Variants in IGF2R observed in about 807,000 individuals in gnomAD.
IGF2R encodes the protein insulin like growth factor 2 receptor, also known as cation-independent mannose-6-phosphate receptor.
IGF2R carries 91 observed loss-of-function variants against 270.6 expected under a neutral mutation model. That is an observed-to-expected ratio of 0.34 (90% CI 0.28 to 0.40). IGF2R has a LOEUF of 0.40. Among genes scored for constraint, IGF2R ranks in the 10% least tolerant of loss-of-function variants. The probability of loss-of-function intolerance (pLI) is 1.00; values close to 1 mark genes in which losing one functional copy is unlikely to be tolerated. For synonymous variants in IGF2R, 1,316 were observed against 1,258.9 expected (o/e 1.05, Z -0.96); for missense variants, 2,805 against 3,188.3 (o/e 0.88, Z 2.90).
At chr6:159,987,266 G>A (rs548773242) in intron 1 of IGF2R, among the ~76,000 whole-genome samples, 1 of 152,276 alleles carries the variant, frequency 6.6e-6, no homozygotes, top group South Asian at 2.1e-4. Context: ...CATATCTAGT[G>A]ATAGTTTAAC....
At chr6:160,010,868 G>T (rs572959045) in intron 4 of IGF2R, 83 bp downstream of exon 4, 2 of 775,850 alleles carry the variant, frequency 2.6e-6, no homozygotes, top group Admixed American at 2.5e-5. Context: ...TAACCTTTCC[G>T]GGTGAAAATC....
intron 37 of IGF2R, among the ~76,000 whole-genome samples, chr6:160,079,100 C>CTTT (rs1778919189): frequency 6.6e-6 from 1 of 152,150 alleles, no homozygotes; most frequent in Non-Finnish European, 1.5e-5. Context: ...GTGATGGAGC[C>CTTT]CTCTGCCTGG....
At chr6:160,008,755 T>C (rs1784286181) in intron 2 of IGF2R, among the ~76,000 whole-genome samples, 1 of 152,070 alleles carries the variant, frequency 6.6e-6, no homozygotes, top group South Asian at 2.1e-4. Context: ...TGGAGAAATG[T>C]GGACAGATTT....
intron 34 of IGF2R, 59 bp from the exon 35 acceptor site, chr6:160,073,698 C>G (rs1778794366): frequency 7.2e-7 from 1 of 1,390,052 alleles, no homozygotes; most frequent in Non-Finnish European, 1.0e-6. Context: ...TTATGGATGA[C>G]CTAGTGGTGA....
intron 31 of IGF2R, among the ~76,000 whole-genome samples, chr6:160,071,603 A>C (rs537454012): frequency 6.6e-6 from 1 of 152,278 alleles, no homozygotes; most frequent in South Asian, 2.1e-4. Flanking sequence ...TAGCCCTTCC[A>C]GCATCCTTTG....
At chr6:160,095,546 G>A (rs927518738) in intron 44 of IGF2R, 7 of 152,208 alleles carry the variant, frequency 4.6e-5, no homozygotes, top group Admixed American at 2.0e-4. Context: ...CCAAAGCGTT[G>A]ACTGTTGTAT....
chr6:160,093,579 C>A, intron 44 of IGF2R: 1 of 666,244 alleles, frequency 1.5e-6, no homozygotes. Flanking sequence ...CCAGAACTTG[C>A]CATCAACCCA....
At chr6:159,974,198 G>A (rs1304889983) in intron 1 of IGF2R, among the ~76,000 whole-genome samples, 2 of 152,176 alleles carry the variant, frequency 1.3e-5, no homozygotes, top group African/African-American at 4.8e-5. Flanking sequence ...TGGTATCTCA[G>A]TGTGGTTTCA....
intron 4 of IGF2R, among the ~76,000 whole-genome samples, chr6:160,011,331 A>G (rs1452209322): frequency 1.3e-5 from 2 of 152,116 alleles, no homozygotes; most frequent in African/African-American, 4.8e-5. Context: ...CACCTCAGAG[A>G]CTAGATTACT....
At chr6:160,063,219 A>G (rs1002147649) in intron 26 of IGF2R, among the ~76,000 whole-genome samples, 196 bp from the exon 27 acceptor site, 3 of 151,864 alleles carry the variant, frequency 2.0e-5, no homozygotes, top group African/African-American at 7.3e-5. Context: ...TTGTATTTTT[A>G]GTAGAGACGG....
At position 160,043,242 on chromosome 6, in the gene IGF2R, A is replaced by G; in HGVS notation, c.1575A>G (p.Glu525=). The change falls in exon 12 of 48, where the codon GAA becomes GAG. Residue 525 remains glutamate (E), a synonymous_variant. Transcript: ENST00000356956. The part of the protein sequence containing the change: ...FINICHRVLQ[E]GKARGCPEDA... ...ATATTTGTCACAGAGTGCTGCAGGA[A>G]GGCAAGGCACGAGGGTGTCCCGAGG... 1 of 1,614,228 alleles carries G rather than the reference A, an allele frequency of 6.2e-7. No individual in the cohort carries two copies. Among genetic ancestry groups the G allele is most frequent in the Non-Finnish European group, 8.5e-7 (1 of 1,180,036 alleles).
rs1381145496 is a variant in IGF2R, at chr6:160,107,274, CTCTG to C, written c.*2192_*2195del. Reference sequence around the variant, plus strand: ...TCCTGCTAAGACCATGGGGAGCCCTCTCTGTAAGGAGGGGCATATGCAGGGACCT... The same window carrying C: ...TCCTGCTAAGACCATGGGGAGCCCTCTAAGGAGGGGCATATGCAGGGACCT... On this transcript the variant is annotated 3_prime_UTR_variant, in exon 48 of 48. Coordinates refer to ENST00000356956, the MANE Select transcript of IGF2R (RefSeq NM_000876.4). The C allele has an allele frequency of 1.3e-5, 2 of 152,258 alleles. No homozygotes were observed. Among genetic ancestry groups the C allele is most frequent in the Non-Finnish European group, 2.9e-5 (2 of 68,054 alleles). 9.4% of individuals were successfully genotyped at this position (152,258 alleles called of 1,614,324 possible). A position where few individuals can be genotyped will look rare whatever the true frequency, so the allele number is the denominator to read the frequency against.
At chr6:160,026,666 T>C (rs1485771582) in intron 5 of IGF2R, among the ~76,000 whole-genome samples, 1 of 152,256 alleles carries the variant, frequency 6.6e-6, no homozygotes, top group African/African-American at 2.4e-5. Flanking sequence ...TGCGGGATGT[T>C]CTGGACATAT....
At position 160,003,377 on chromosome 6, in the gene IGF2R, T is replaced by G. The variant is rs535344595; in HGVS notation, c.290-5633T>G. ...TCTGATTTATGGTCTCTCCTGATAG[T>G]CTGGCAATACCTGTTAACATTTTAA... On this transcript the variant is annotated intron_variant, in intron 2 of 47. Transcript: ENST00000356956. 4.6e-4 allele frequency: 70 copies of G among 152,362 alleles called. 1 individual carries two copies. The highest frequency in any genetic ancestry group is 1.6e-3 in the African/African-American group (68 of 41,590). The allele number at this position is 152,362 out of a possible 1,614,324, so 9.4% of individuals were successfully genotyped here. A position where few individuals can be genotyped will look rare whatever the true frequency, so the allele number is the denominator to read the frequency against.
intron 33 of IGF2R, 70 bp from the exon 34 acceptor site, chr6:160,073,143 A>G: frequency 1.3e-6 from 2 of 1,579,608 alleles, no homozygotes; most frequent in Admixed American, 1.7e-5. Context: ...CTGACTTGCG[A>G]AAGTTCTCAT....
rs1369750469 is a variant in IGF2R, at chr6:160,110,266, G to A, written c.*5182G>A. On this transcript the variant is annotated 3_prime_UTR_variant, in exon 48 of 48. Coordinates refer to ENST00000356956, the MANE Select transcript of IGF2R (RefSeq NM_000876.4). ...TCCAGAGGCTCCCACGGAGCATGCT[G>A]GGTGGGTGGTCTGTATGAGACCACA... 2.0e-5 allele frequency: 3 copies of A among 152,322 alleles called. No individual in the cohort carries two copies. The highest frequency in any genetic ancestry group is 7.2e-5 in the African/African-American group (3 of 41,570). 9.4% of individuals were successfully genotyped at this position (152,322 alleles called of 1,614,324 possible). A position where few individuals can be genotyped will look rare whatever the true frequency, so the allele number is the denominator to read the frequency against.
Position 160,064,547 on chromosome 6 carries a change from C to T in IGF2R, c.4017+16C>T, listed in dbSNP as rs780698110. On this transcript the variant is annotated intron_variant, in intron 28 of 47. Coordinates refer to ENST00000356956, the MANE Select transcript of IGF2R (RefSeq NM_000876.4). ...CACCCAGCGGGTGAGCATGTACCGA[C>T]GGCCCTCAGCGGGGTCTTCTCCCCA... 31 of 1,613,044 alleles carry T rather than the reference C, an allele frequency of 1.9e-5. No homozygotes were observed. Among genetic ancestry groups the T allele is most frequent in the Middle Eastern group, 3.3e-4 (2 of 6,012 alleles).
intron 30 of IGF2R, 67 bp from the exon 31 acceptor site, chr6:160,069,801 C>G (rs1778674784): frequency 3.5e-6 from 5 of 1,443,456 alleles, no homozygotes; most frequent in Non-Finnish European, 4.8e-6. Context: ...CATTTATTGC[C>G]TGATGAAGTT....
chr6:160,093,843 A>C, intron 44 of IGF2R: 1 of 729,766 alleles, frequency 1.4e-6, no homozygotes, highest in Non-Finnish European at 2.6e-6. Context: ...GTCCAAATAA[A>C]TATCTCAGAT....
Sources: allele counts gnomAD v4.1 joint callset (sites outside exome capture counted in the v4.1 genomes callset), GRCh38; gene constraint gnomAD v4.1.1; transcripts MANE v1.5; gene names NCBI Gene and HGNC (gene_info 2026-07-23, HGNC 2026-07-21).